The following CERS1 variants were observed in gnomAD, a reference collection of about 807,000 sequenced individuals.
CERS1 encodes ceramide synthase 1.
CERS1 carries 16 observed loss-of-function variants against 35.7 expected under a neutral mutation model. The observed-to-expected ratio is 0.45, with a 90% CI of 0.30 to 0.68. The LOEUF (loss-of-function observed/expected upper bound fraction) is 0.68, where lower values mean the gene tolerates loss of function less well. Ranked by LOEUF, CERS1 falls within the 30% of genes least tolerant of loss-of-function variation. CERS1 has a pLI of 0.08. For missense variants in CERS1, 454 were observed against 453.9 expected (o/e 1.00, Z 0.00); for synonymous variants, 243 against 201.6 (o/e 1.21, Z -1.74).
At chr19:18,893,306 C>T in intron 2 of CERS1, 110 bp downstream of exon 2, 1 of 1,293,028 alleles carries the variant, frequency 7.7e-7, no homozygotes, top group South Asian at 1.5e-5. Flanking sequence ...CCTCCAACTC[C>T]TGGGCTCCAG....
rs912700056 is a variant in CERS1, at chr19:18,878,813, G to A, written c.1010+117C>T. 1 of 1,493,568 alleles carries A rather than the reference G, an allele frequency of 6.7e-7. No homozygotes were observed. Among genetic ancestry groups the A allele is most frequent in the Non-Finnish European group, 8.9e-7 (1 of 1,122,142 alleles). The allele number at this position is 1,493,568 out of a possible 1,614,324, so 92.5% of individuals were successfully genotyped here. A position where few individuals can be genotyped will look rare whatever the true frequency, so the allele number is the denominator to read the frequency against. On this transcript the variant is annotated intron_variant, in intron 6 of 7. Transcript: ENST00000623882. This position sits in a 1 kb window ranked among gnomAD's most constrained non-coding sequence, Gnocchi z 4.6. ...AGTCTCTGTTTTGGAGTAGGCTTGG[G>A]GGGCAGCATCCGCGTCGGCCTCATC...
At chr19:18,873,917 C>T (rs2056018453) in intron 6 of CERS1, among the ~76,000 whole-genome samples, 1 of 151,076 alleles carries the variant, frequency 6.6e-6, no homozygotes, top group South Asian at 2.1e-4. Flanking sequence ...GGGAGCTGGA[C>T]AGGAGTGGTC....
chr19:18,891,824 G>A (rs574776303), intron 2 of CERS1, among the ~76,000 whole-genome samples: 22 of 150,162 alleles, frequency 1.5e-4, no homozygotes, highest in African/African-American at 3.7e-4. Flanking sequence ...TCCCACCTCC[G>A]CCTCCCAAAG....
chr19:18,873,585 C>G (rs2056012263), intron 6 of CERS1, among the ~76,000 whole-genome samples: 1 of 151,916 alleles, frequency 6.6e-6, no homozygotes, highest in African/African-American at 2.4e-5. Context: ...TACCTGTAAT[C>G]CTAGCACTTT....
In CERS1 at chr19:18,876,266, G is replaced by A. The variant is rs964619429; in HGVS notation, c.1010+2664C>T. Among the ~76,000 whole-genome samples the A allele has an allele frequency of 3.9e-5, 6 of 152,284 alleles. No individual in the cohort carries two copies. The South Asian group carries it at 6.2e-4, about 16-fold the overall frequency. On this transcript the variant is annotated intron_variant, in intron 6 of 7. Coordinates refer to ENST00000623882, the MANE Select transcript of CERS1 (RefSeq NM_021267.5). ...CTCCCAAAGTGCTGGGATTACAGGC[G>A]TGAGCCACCGCGCCTGGTCTTCAAT...
At chr19:18,894,831 A>G (rs1287691533) in intron 1 of CERS1, among the ~76,000 whole-genome samples, 1 of 152,128 alleles carries the variant, frequency 6.6e-6, no homozygotes, top group African/African-American at 2.4e-5. Flanking sequence ...CTTCCCGGCC[A>G]GCAGAGAAAG....
rs2055937879 is a variant in CERS1, at chr19:18,870,065, C to T, written c.*512G>A. 1 of 1,583,596 alleles carries T rather than the reference C, an allele frequency of 6.3e-7. No individual in the cohort carries two copies. Among genetic ancestry groups the T allele is most frequent in the Non-Finnish European group, 8.5e-7 (1 of 1,169,924 alleles). ...ACGGTTGCAGGGTGACCCCTGGGGA[C>T]GTCCGCCGCGAGCCAGACCTGGTCT... On this transcript the variant is annotated 3_prime_UTR_variant, in exon 7 of 8. Coordinates refer to ENST00000623882, the MANE Select transcript of CERS1 (RefSeq NM_021267.5). This position sits in a 1 kb window ranked among gnomAD's most constrained non-coding sequence, Gnocchi z 5.1.
chr19:18,878,636 C>A lies in CERS1; in HGVS notation c.1010+294G>T, dbSNP rs1745592166. On this transcript the variant is annotated intron_variant, in intron 6 of 7. Transcript: ENST00000623882. This position sits in a 1 kb window ranked among gnomAD's most constrained non-coding sequence, Gnocchi z 4.6. ...CCACCCACAGGGCCCTGGCTCGCCA[C>A]TCCCGCCACACCAGCCACTAGGCCT... 25 of 1,224,208 alleles carry A rather than the reference C, an allele frequency of 2.0e-5. No homozygotes were observed. Among genetic ancestry groups the A allele is most frequent in the Non-Finnish European group, 2.4e-5 (23 of 971,404 alleles). 75.8% of individuals were successfully genotyped at this position (1,224,208 alleles called of 1,614,324 possible). A position where few individuals can be genotyped will look rare whatever the true frequency, so the allele number is the denominator to read the frequency against.
At position 18,868,901 on chromosome 19, in the gene CERS1, A is replaced by C. The variant is rs1439882613; in HGVS notation, c.*1084T>G. ...GCCCACCTCGCGGAAGCTCACGTAC[A>C]GCCGCCGCGCGCGACAAGCGCCCCC... On this transcript the variant is annotated 3_prime_UTR_variant, in exon 8 of 8. Transcript: ENST00000623882. 1 of 1,396,908 alleles carries C rather than the reference A, an allele frequency of 7.2e-7. No homozygotes were observed. Among genetic ancestry groups the C allele is most frequent in the East Asian group, 3.7e-5 (1 of 26,676 alleles). 86.5% of individuals were successfully genotyped at this position (1,396,908 alleles called of 1,614,324 possible). A position where few individuals can be genotyped will look rare whatever the true frequency, so the allele number is the denominator to read the frequency against.
In CERS1 at chr19:18,879,007, T is replaced by C. The variant is rs758985330; in HGVS notation, c.933A>G (p.Thr311=). The C allele has an allele frequency of 1.2e-6, 2 of 1,613,748 alleles. No individual in the cohort carries two copies. The highest frequency in any genetic ancestry group is 1.7e-6 in the Non-Finnish European group (2 of 1,179,848). ...YIVAFAAKVL[T]GQVHELKDLR... is the part of the protein sequence containing the mutation. ...GGTCCTTCAGCTCGTGCACCTGGCC[T>C]GTCAACACCTTGGCTGCAAACGCCA... The change falls in exon 6 of 8, where the codon ACA becomes ACG. Residue 311 remains threonine (T), a synonymous_variant. Transcript: ENST00000623882.
At position 18,895,581 on chromosome 19, in the gene CERS1, C is replaced by T. The variant is rs1056583820; in HGVS notation, c.249+243G>A. Among the ~76,000 whole-genome samples the T allele has an allele frequency of 6.6e-6, 1 of 151,944 alleles. No homozygotes were observed. The highest frequency in any genetic ancestry group is 2.4e-5 in the African/African-American group (1 of 41,368). On this transcript the variant is annotated intron_variant, in intron 1 of 7. Coordinates refer to ENST00000623882, the MANE Select transcript of CERS1 (RefSeq NM_021267.5). The surrounding 1 kb of genome is among the most constrained non-coding windows in gnomAD (Gnocchi z 6.4). ...ACTCACCCCAGCCCGGCCACACCCC[C>T]GCATCTACCCGGTTCCCCCACGCAG...
intron 6 of CERS1, among the ~76,000 whole-genome samples, chr19:18,874,347 C>CA (rs1303455981): frequency 6.6e-6 from 1 of 152,162 alleles, no homozygotes; most frequent in Non-Finnish European, 1.5e-5. Context: ...TCTGTTACCG[C>CA]AGCTGGGGTG....
chr19:18,888,524 A>C (rs2056415447), intron 2 of CERS1, among the ~76,000 whole-genome samples: 1 of 147,156 alleles, frequency 6.8e-6, no homozygotes, highest in African/African-American at 2.5e-5. Context: ...TCTCTTAAAA[A>C]AAAAAAAAAA....
chr19:18,875,731 G>A (rs1312238594), intron 6 of CERS1, among the ~76,000 whole-genome samples: 1 of 152,152 alleles, frequency 6.6e-6, no homozygotes, highest in African/African-American at 2.4e-5. Context: ...AACAAGACCA[G>A]TGACCCTGAC....
At chr19:18,893,327 GCTTC>G in intron 2 of CERS1, 85 bp downstream of exon 2, 1 of 1,424,042 alleles carries the variant, frequency 7.0e-7, no homozygotes, top group Non-Finnish European at 9.5e-7. Context: ...TGATCCTCCT[GCTTC>G]TGCCTCATGA....
intron 2 of CERS1, among the ~76,000 whole-genome samples, chr19:18,890,030 C>A (rs2056453578): frequency 6.6e-6 from 1 of 152,218 alleles, no homozygotes; most frequent in Non-Finnish European, 1.5e-5. Flanking sequence ...CCTCCTGGAC[C>A]CCTGGGGTAG....
In CERS1 at chr19:18,895,224, G is replaced by A. The variant is rs1306633210; in HGVS notation, c.249+600C>T. On this transcript the variant is annotated intron_variant, in intron 1 of 7. Coordinates refer to ENST00000623882, the MANE Select transcript of CERS1 (RefSeq NM_021267.5). This position sits in a 1 kb window ranked among gnomAD's most constrained non-coding sequence, Gnocchi z 6.4. ...TGACCCCAGATAGGCACAAGGCAGC[G>A]ACCGGGCAGCTCCTGCCTCTTCCCG... Among the ~76,000 whole-genome samples, 2 of 152,222 alleles carry A rather than the reference G, an allele frequency of 1.3e-5. No homozygotes were observed. The highest frequency in any genetic ancestry group is 2.9e-5 in the Non-Finnish European group (2 of 68,042).
chr19:18,894,504 C>A (rs1464340969), intron 1 of CERS1, among the ~76,000 whole-genome samples: 1 of 152,128 alleles, frequency 6.6e-6, no homozygotes, highest in Admixed American at 6.5e-5. Flanking sequence ...AGCACCCCAC[C>A]CAAGGGGCTG....
chr19:18,880,181 G>C, intron 4 of CERS1, 93 bp downstream of exon 4: 66 of 1,091,640 alleles, frequency 6.0e-5, no homozygotes, highest in Middle Eastern at 3.8e-4. Flanking sequence ...ACCGGGCCCC[G>C]CCTCCTTCCC....
Sources: gnomAD v4.1 joint callset for allele counts (sites outside exome capture counted in the v4.1 genomes callset) on GRCh38, gnomAD v4.1.1 for gene constraint, Gnocchi (gnomAD v3.1) non-coding constraint, MANE v1.5 for transcripts, NCBI Gene and HGNC (gene_info 2026-07-23, HGNC 2026-07-21) for gene names.